ILRUN: variants seen among roughly 807,000 people sequenced by gnomAD.
ILRUN encodes protein ILRUN.
ILRUN carries 3 observed loss-of-function variants against 33.8 expected under a neutral mutation model. The ratio of observed to expected loss-of-function variants is 0.09; its 90% CI spans 0.04 to 0.23. The LOEUF is 0.23. Ranked by LOEUF, ILRUN falls within the 10% of genes least tolerant of loss-of-function variation. ILRUN has a pLI of 1.00. For synonymous variants in ILRUN, 124 were observed against 138.9 expected (o/e 0.89, Z 0.75); for missense variants, 210 against 375.1 (o/e 0.56, Z 3.64).
At chr6:34,691,748 A>G (rs1341325333) in intron 1 of ILRUN, among the ~76,000 whole-genome samples, 1 of 152,032 alleles carries the variant, frequency 6.6e-6, no homozygotes, top group Non-Finnish European at 1.5e-5. Flanking sequence ...GTGAGCCAAG[A>G]TCGCACCACT....
chr6:34,605,221 A>G (rs1490030116), intron 4 of ILRUN, among the ~76,000 whole-genome samples: 1 of 149,704 alleles, frequency 6.7e-6, no homozygotes, highest in African/African-American at 2.5e-5. Flanking sequence ...CAGGAGAATC[A>G]CTTGAACCCG....
At chr6:34,603,628 T>C (rs1345852821) in intron 4 of ILRUN, among the ~76,000 whole-genome samples, 3 of 152,114 alleles carry the variant, frequency 2.0e-5, no homozygotes, top group Non-Finnish European at 4.4e-5. Flanking sequence ...AGTGAGACTC[T>C]ATCTCAAAAA....
At chr6:34,667,829 C>T (rs916304157) in intron 1 of ILRUN, among the ~76,000 whole-genome samples, 1 of 151,904 alleles carries the variant, frequency 6.6e-6, no homozygotes, top group Admixed American at 6.6e-5. Flanking sequence ...CCACAAAAGG[C>T]GAAGGAACTG....
chr6:34,683,419 CATATATAT>C (rs1160051318), intron 1 of ILRUN, among the ~76,000 whole-genome samples: 1,434 of 78,552 alleles, frequency 0.018, 48 homozygotes, highest in African/African-American at 0.063. Context: ...TATATATATA[CATATATAT>C]ACATATATAT....
chr6:34,599,082 C>T (rs573555103), intron 4 of ILRUN, among the ~76,000 whole-genome samples: 2 of 152,304 alleles, frequency 1.3e-5, no homozygotes, highest in South Asian at 4.1e-4. Flanking sequence ...CAGAGAATAG[C>T]CAACAAACTT....
At chr6:34,650,311 A>G (rs1762634455) in intron 2 of ILRUN, among the ~76,000 whole-genome samples, 1 of 152,116 alleles carries the variant, frequency 6.6e-6, no homozygotes, top group Non-Finnish European at 1.5e-5. Flanking sequence ...GAATCCTAGA[A>G]TTTTGCATCT....
chr6:34,644,338 A>T (rs1762527889), intron 3 of ILRUN, among the ~76,000 whole-genome samples: 2 of 152,220 alleles, frequency 1.3e-5, no homozygotes, highest in African/African-American at 4.8e-5. Flanking sequence ...CATTAAGCTC[A>T]ACATTTTTGA....
intron 4 of ILRUN, among the ~76,000 whole-genome samples, chr6:34,595,524 G>C (rs1278183784): frequency 6.6e-6 from 1 of 152,112 alleles, no homozygotes; most frequent in Non-Finnish European, 1.5e-5. Flanking sequence ...TCAGGTATCA[G>C]TAAAATGAAT....
At chr6:34,615,953 T>C (rs377659594) in intron 3 of ILRUN, among the ~76,000 whole-genome samples, 44 of 152,294 alleles carry the variant, frequency 2.9e-4, no homozygotes, top group African/African-American at 1.1e-3. Flanking sequence ...GAGTCTGCTT[T>C]TGACCAGCAG....
Position 34,663,577 on chromosome 6 carries a change from C to T in ILRUN, c.159-8798G>A, listed in dbSNP as rs115160728. On this transcript the variant is annotated intron_variant, in intron 1 of 4. Coordinates refer to ENST00000374023, the MANE Select transcript of ILRUN (RefSeq NM_024294.4). ...TGTTGCCCAGACTGGTTTTGAACTC[C>T]AAGCAATCCTCCTGCCTTGGCCTCC... is the stretch of plus-strand genomic sequence containing the variant. Among the ~76,000 whole-genome samples the T allele has an allele frequency of 4.3e-3, 649 of 152,232 alleles. 5 individuals are homozygous for T. Among genetic ancestry groups the T allele is most frequent in the African/African-American group, 0.015 (604 of 41,530 alleles).
intron 3 of ILRUN, among the ~76,000 whole-genome samples, chr6:34,630,733 T>C (rs1165190347): frequency 6.6e-6 from 1 of 152,176 alleles, no homozygotes; most frequent in Non-Finnish European, 1.5e-5. Context: ...CAGGCTGGAC[T>C]TGAACTCCTG....
At chr6:34,623,277 G>C (rs1250198472) in intron 3 of ILRUN, among the ~76,000 whole-genome samples, 1 of 152,118 alleles carries the variant, frequency 6.6e-6, no homozygotes, top group Non-Finnish European at 1.5e-5. Context: ...AAACATCAGA[G>C]GCCTACTGAT....
chr6:34,662,029 G>A (rs1487646420), intron 1 of ILRUN, among the ~76,000 whole-genome samples: 2 of 149,872 alleles, frequency 1.3e-5, no homozygotes, highest in African/African-American at 4.9e-5. Flanking sequence ...GGAGGCTGAG[G>A]CAGGAGAATG....
At chr6:34,633,151 A>G (rs1398040059) in intron 3 of ILRUN, among the ~76,000 whole-genome samples, 1 of 152,240 alleles carries the variant, frequency 6.6e-6, no homozygotes, top group Non-Finnish European at 1.5e-5. Flanking sequence ...GTATCAAAGT[A>G]GTCTTCAGAG....
chr6:34,659,145 G>A (rs895866591), intron 1 of ILRUN, among the ~76,000 whole-genome samples: 1 of 152,180 alleles, frequency 6.6e-6, no homozygotes, highest in Non-Finnish European at 1.5e-5. Context: ...TCAAACAAAG[G>A]TTAACTCCAA....
intron 3 of ILRUN, among the ~76,000 whole-genome samples, chr6:34,633,468 G>A (rs1210655645): frequency 6.6e-6 from 1 of 152,098 alleles, no homozygotes; most frequent in African/African-American, 2.4e-5. Context: ...ACTCAACTCA[G>A]CAAAATACAC....
intron 3 of ILRUN, among the ~76,000 whole-genome samples, chr6:34,637,864 C>CTGCTGCTGCTGCTGTTGTTGTTGT (rs749114775): frequency 1.4e-5 from 2 of 142,020 alleles, no homozygotes; most frequent in African/African-American, 5.4e-5. Flanking sequence ...GCTGCTGCTG[C>CTGCTGCTGCTGCTGTTGTTGTTGT]TGTTGTTGTT....
At chr6:34,627,571 T>C (rs78200912) in intron 3 of ILRUN, among the ~76,000 whole-genome samples, 2 of 152,328 alleles carry the variant, frequency 1.3e-5, no homozygotes, top group African/African-American at 4.8e-5. Context: ...AATAGGTATA[T>C]AGTGATATCT....
At chr6:34,627,261 C>A (rs1190030539) in intron 3 of ILRUN, among the ~76,000 whole-genome samples, 1 of 152,142 alleles carries the variant, frequency 6.6e-6, no homozygotes. Flanking sequence ...CTGAGTTATA[C>A]TCCATTGTCT....
Sources: allele counts gnomAD v4.1 joint callset (sites outside exome capture counted in the v4.1 genomes callset), GRCh38; gene constraint gnomAD v4.1.1; transcripts MANE v1.5; gene names NCBI Gene and HGNC (gene_info 2026-07-23, HGNC 2026-07-21).